MVD: variants seen among roughly 807,000 people sequenced by gnomAD.
MVD encodes diphosphomevalonate decarboxylase.
In MVD, 52 loss-of-function variants were observed where a neutral mutation model predicts 42.4. The ratio of observed to expected loss-of-function variants is 1.23; its 90% confidence interval spans 0.98 to 1.55. The LOEUF (loss-of-function observed/expected upper bound fraction) is 1.55, where lower values mean the gene tolerates loss of function less well. MVD is among the 40% of genes most tolerant of loss of function. The pLI is 0.00. For missense variants in MVD, 663 were observed against 572.1 expected (o/e 1.16, Z -1.62); for synonymous variants, 287 against 243.2 (o/e 1.18, Z -1.68).
At chr16:88,662,822 G>C in intron 1 of MVD, 189 bp downstream of exon 1, 1 of 1,457,942 alleles carries the variant, frequency 6.9e-7, no homozygotes, top group South Asian at 1.4e-5. Context: ...GGGTGGCGCC[G>C]AGCTTGTCAC....
intron 1 of MVD, 114 bp from the exon 2 acceptor site, chr16:88,658,834 T>A: frequency 1.4e-6 from 1 of 721,386 alleles, no homozygotes; most frequent in Non-Finnish European, 2.2e-6. Context: ...CAGTCCCGTC[T>A]CTCACCGCAC....
chr16:88,657,840 AG>A, intron 3 of MVD, 74 bp downstream of exon 3: 1 of 1,484,282 alleles, frequency 6.7e-7, no homozygotes. Flanking sequence ...AGGGGCACAG[AG>A]GCAGAAGCAC....
chr16:88,654,996 G>A (rs1021668890), intron 7 of MVD, 189 bp from the exon 8 acceptor site: 1 of 855,736 alleles, frequency 1.2e-6, no homozygotes, highest in Admixed American at 2.9e-5. Context: ...CAGGAAGAAG[G>A]TGGTGGGGCC....
intron 1 of MVD, 49 bp downstream of exon 1, chr16:88,662,962 C>T: frequency 6.4e-7 from 1 of 1,568,092 alleles, no homozygotes; most frequent in Non-Finnish European, 8.6e-7. Flanking sequence ...CCCGCGTACC[C>T]GGCCTCGCTC....
At chr16:88,656,634 G>A (rs6500485) in intron 4 of MVD, 48,398 of 436,546 alleles carry the variant, frequency 0.11, 3,051 homozygotes, top group South Asian at 0.14. Flanking sequence ...GGCTTTGAGG[G>A]TGGGAAGGAA....
At position 88,655,740 on chromosome 16, in the gene MVD, G is replaced by A. The variant is rs1276776202; in HGVS notation, c.604-10C>T. 2 of 1,553,330 alleles carry A rather than the reference G, an allele frequency of 1.3e-6. No homozygotes were observed. The highest frequency in any genetic ancestry group is 1.7e-6 in the Non-Finnish European group (2 of 1,148,986). ...TCTTCTCAGCGCTCACCTGCACGAG[G>A]GAGAGACAGCCTGGGCCACACCCTG... On this transcript the variant is annotated splice_polypyrimidine_tract_variant and intron_variant, in intron 5 of 9. Coordinates refer to ENST00000301012, the MANE Select transcript of MVD (RefSeq NM_002461.3).
intron 1 of MVD, chr16:88,659,307 CAGGG>C: frequency 6.1e-6 from 1 of 163,118 alleles, no homozygotes; most frequent in Admixed American, 5.8e-5. Context: ...CGGACAGTTC[CAGGG>C]GTGATAAACG....
intron 8 of MVD, among the ~76,000 whole-genome samples, chr16:88,654,415 C>T (rs574832091): frequency 2.8e-4 from 42 of 152,334 alleles, no homozygotes; most frequent in African/African-American, 9.1e-4. Flanking sequence ...TAAGAGCCTG[C>T]GGGGTCCCGA....
chr16:88,659,537 C>T (rs970924991), intron 1 of MVD, among the ~76,000 whole-genome samples: 1 of 152,190 alleles, frequency 6.6e-6, no homozygotes, highest in Non-Finnish European at 1.5e-5. Flanking sequence ...TGACAGAGGG[C>T]GGCTGTGGGA....
rs559128776 is a variant in MVD at position 88,662,774 on chromosome 16, G to A, written c.70+237C>T. The A allele has an allele frequency of 6.1e-6, 9 of 1,484,510 alleles. No homozygotes were observed. The East Asian group carries it at 2.0e-4, about 33-fold the overall frequency. The allele number at this position is 1,484,510 out of a possible 1,614,324, so 92.0% of individuals were successfully genotyped here. Reference sequence around the variant, plus strand: ...CGGTAATCGCTAATGGGCAGGCGCCGGGCGACCCTGCAGGGGCGGCAGCCG... The same window carrying A: ...CGGTAATCGCTAATGGGCAGGCGCCAGGCGACCCTGCAGGGGCGGCAGCCG... On this transcript the variant is annotated intron_variant, in intron 1 of 9. Coordinates refer to ENST00000301012, the MANE Select transcript of MVD (RefSeq NM_002461.3).
rs1476438171 is a variant in MVD at position 88,661,597 on chromosome 16, T to C, written c.70+1414A>G. ...CCAGTTCGAGCGTGGACACAGAATA[T>C]GAAGAGAGATTTCACCAAGAAAACC... is the stretch of plus-strand genomic sequence containing the variant. On this transcript the variant is annotated intron_variant, in intron 1 of 9. Coordinates refer to ENST00000301012, the MANE Select transcript of MVD (RefSeq NM_002461.3). Among the ~76,000 whole-genome samples, 7 of 151,958 alleles carry C rather than the reference T, an allele frequency of 4.6e-5. 1 individual carries two copies. Among genetic ancestry groups the C allele is most frequent in the Middle Eastern group, 6.8e-3 (2 of 292 alleles).
At chr16:88,653,534 C>T (rs1228125307) in intron 8 of MVD, 126 bp from the exon 9 acceptor site, 5 of 744,632 alleles carry the variant, frequency 6.7e-6, no homozygotes, top group African/African-American at 3.7e-5. Context: ...GAGGGGGAGA[C>T]GGCAGGTGGC....
At position 88,654,959 on chromosome 16, in the gene MVD, G is replaced by C. The variant is rs1395526090; in HGVS notation, c.898-152C>G. ...AGTGGAGCTGTGACCCCAAGTGCCT[G>C]GTACTTGACACGTCTGCCTGTGAAC... On this transcript the variant is annotated intron_variant, in intron 7 of 9. Coordinates refer to ENST00000301012, the MANE Select transcript of MVD (RefSeq NM_002461.3). 2 of 877,226 alleles carry C rather than the reference G, an allele frequency of 2.3e-6. No individual in the cohort carries two copies. The highest frequency in any genetic ancestry group is 3.4e-6 in the Non-Finnish European group (2 of 583,888). 54.3% of individuals were successfully genotyped at this position (877,226 alleles called of 1,614,324 possible). A position where few individuals can be genotyped will look rare whatever the true frequency, so the allele number is the denominator to read the frequency against.
Position 88,657,807 on chromosome 16 carries a change from G to A in MVD, c.256+108C>T, listed in dbSNP as rs1461545950. 5 of 1,322,086 alleles carry A rather than the reference G, an allele frequency of 3.8e-6. No homozygotes were observed. In the African/African-American group the frequency reaches 5.8e-5, roughly 15 times the overall value. 81.9% of individuals were successfully genotyped at this position (1,322,086 alleles called of 1,614,324 possible). On this transcript the variant is annotated intron_variant, in intron 3 of 9. Transcript: ENST00000301012. ...GCCCAGCGGGCATGTCTGGTTCCCA[G>A]CCACCCCGCCTGCTGCCTCAGGAGG...
At chr16:88,652,675 G>T in intron 9 of MVD, 70 bp from the exon 10 acceptor site, 1 of 1,415,876 alleles carries the variant, frequency 7.1e-7, no homozygotes, top group Non-Finnish European at 9.7e-7. Flanking sequence ...CATCTGTAGG[G>T]CCGGACACAG....
At position 88,655,276 on chromosome 16, in the gene MVD, T is replaced by C; in HGVS notation, c.820A>G (p.Ile274Val). ...CAGGAGATGGCATTGAGGTAAGAGA[T>C]GGGCGGGAAGGTGTCGAGGCAGGTG... ...HATCLDTFPP[I>V]SYLNAISWRI... The change falls in exon 7 of 10, where the codon ATC becomes GTC. Residue 274 changes from isoleucine (I) to valine (V), a missense_variant. Coordinates refer to ENST00000301012, the MANE Select transcript of MVD (RefSeq NM_002461.3). 2 of 1,591,910 alleles carry C rather than the reference T, an allele frequency of 1.3e-6. No homozygotes were observed. The highest frequency in any genetic ancestry group is 1.7e-6 in the Non-Finnish European group (2 of 1,169,340).
Position 88,663,058 on chromosome 16 carries a change from G to T in MVD, c.23C>A (p.Ala8Glu). MASEKPL[A>E]AVTCTAPVNI... ...GACCGGCGCTGTACAAGTGACTGCC[G>T]CCAGCGGCTTCTCCGAGGCCATGGT... Residue 8 changes from alanine to glutamate, a missense_variant, in exon 1 of 10, where the codon GCG becomes GAG. Ala to Glu is a moderately radical substitution (Grantham distance 107). Transcript: ENST00000301012. The T allele has an allele frequency of 6.2e-7, 1 of 1,610,292 alleles. No homozygotes were observed. Among genetic ancestry groups the T allele is most frequent in the Middle Eastern group, 1.7e-4 (1 of 6,054 alleles).
intron 1 of MVD, among the ~76,000 whole-genome samples, chr16:88,659,564 C>T (rs1037907148): frequency 2.6e-5 from 4 of 152,176 alleles, no homozygotes; most frequent in Admixed American, 1.3e-4. Flanking sequence ...AGGGGGAGCC[C>T]GGGGCTTTCT....
chr16:88,656,958 G>C, intron 4 of MVD: 1 of 340,362 alleles, frequency 2.9e-6, no homozygotes, highest in Non-Finnish European at 5.8e-6. Flanking sequence ...CCAGCAGAGA[G>C]CTGGGTCCAG....
Sources: gnomAD v4.1 joint callset for allele counts (sites outside exome capture counted in the v4.1 genomes callset) on GRCh38, gnomAD v4.1.1 for gene constraint, MANE v1.5 for transcripts, NCBI Gene and HGNC (gene_info 2026-07-23, HGNC 2026-07-21) for gene names.